The following GPM6A variants were observed in gnomAD, a reference collection of about 807,000 sequenced individuals.
The protein encoded by GPM6A is neuronal membrane glycoprotein M6-a.
A neutral mutation model predicts 32.1 loss-of-function variants in GPM6A; 7 were observed. The observed-to-expected ratio is 0.22, with a 90% CI of 0.12 to 0.41. The LOEUF is 0.41. GPM6A is among the 10% of genes least tolerant of loss of function. GPM6A has a pLI of 1.00. For missense variants in GPM6A, 235 were observed against 347.2 expected, an observed-to-expected ratio of 0.68 and a Z score of 2.57; for synonymous variants, 130 against 123.4, an observed-to-expected ratio of 1.05 and a Z score of -0.35.
At chr4:175,894,732 A>T (rs180990330) in intron 1 of GPM6A, among the ~76,000 whole-genome samples, 1 of 152,300 alleles carries the variant, frequency 6.6e-6, no homozygotes, top group African/African-American at 2.4e-5. Context: ...GGAGTGGCTA[A>T]ATCATTTTGG....
intron 1 of GPM6A, among the ~76,000 whole-genome samples, chr4:175,789,509 C>T (rs1473811007): frequency 6.6e-6 from 1 of 152,010 alleles, no homozygotes; most frequent in East Asian, 1.9e-4. Flanking sequence ...AAAAATAATA[C>T]TTCCTAGAAA....
chr4:175,768,586 T>A (rs772315690), intron 1 of GPM6A, among the ~76,000 whole-genome samples: 1 of 151,142 alleles, frequency 6.6e-6, no homozygotes, highest in Non-Finnish European at 1.5e-5. Context: ...ATAGTGAAGG[T>A]TAAGTTAAAA....
intron 1 of GPM6A, among the ~76,000 whole-genome samples, chr4:175,895,873 C>T (rs1408082952): frequency 1.3e-5 from 2 of 152,002 alleles, no homozygotes; most frequent in African/African-American, 4.8e-5. Context: ...ATAATCATAC[C>T]TTGGCATAAA....
At chr4:175,659,175 C>T (rs1339449076) in intron 3 of GPM6A, among the ~76,000 whole-genome samples, 3 of 151,148 alleles carry the variant, frequency 2.0e-5, no homozygotes, top group African/African-American at 4.9e-5. Context: ...CTCCTCCTCC[C>T]GGGTTCAAGC....
chr4:175,740,046 C>G (rs1442701469), intron 1 of GPM6A, among the ~76,000 whole-genome samples: 1 of 151,904 alleles, frequency 6.6e-6, no homozygotes, highest in Non-Finnish European at 1.5e-5. Flanking sequence ...AAAATATTGT[C>G]TCTAAGACTA....
chr4:175,871,055 G>A (rs2111438438), intron 1 of GPM6A, among the ~76,000 whole-genome samples: 1 of 151,728 alleles, frequency 6.6e-6, no homozygotes, highest in Middle Eastern at 3.4e-3. Context: ...CCTCCTGCTT[G>A]GTTTATTTGT....
intron 2 of GPM6A, among the ~76,000 whole-genome samples, chr4:175,699,293 T>C (rs1183223240): frequency 2.0e-5 from 3 of 152,192 alleles, no homozygotes; most frequent in Non-Finnish European, 2.9e-5. Flanking sequence ...ATATGACTTA[T>C]AATCTTTAAA....
intron 3 of GPM6A, among the ~76,000 whole-genome samples, chr4:175,652,477 G>A (rs1390465590): frequency 6.6e-6 from 1 of 151,900 alleles, no homozygotes; most frequent in Non-Finnish European, 1.5e-5. Context: ...AATCACATTA[G>A]TATATAATAT....
chr4:175,716,865 A>G (rs778738884), intron 1 of GPM6A, among the ~76,000 whole-genome samples: 2 of 152,222 alleles, frequency 1.3e-5, no homozygotes, highest in African/African-American at 2.4e-5. Context: ...TTTGAAAATA[A>G]TTTGTTAAGT....
intron 1 of GPM6A, among the ~76,000 whole-genome samples, chr4:175,783,779 A>C (rs2111258460): frequency 6.6e-6 from 1 of 152,096 alleles, no homozygotes; most frequent in East Asian, 1.9e-4. Context: ...AGAAAAATAA[A>C]TTTTGCAACA....
chr4:175,777,839 T>G (rs1325073772), intron 1 of GPM6A, among the ~76,000 whole-genome samples: 14 of 152,164 alleles, frequency 9.2e-5, no homozygotes, highest in Admixed American at 8.5e-4. Context: ...AAAAAATAAC[T>G]AATAAAAAAT....
intron 1 of GPM6A, among the ~76,000 whole-genome samples, chr4:175,859,133 G>A (rs1343928303): frequency 1.3e-5 from 2 of 152,148 alleles, no homozygotes; most frequent in Admixed American, 6.5e-5. Context: ...GAGGAAGGAT[G>A]TATACATGTT....
intron 1 of GPM6A, among the ~76,000 whole-genome samples, chr4:175,936,167 T>G (rs1430138101): frequency 1.3e-5 from 2 of 150,492 alleles, no homozygotes; most frequent in Non-Finnish European, 1.5e-5. Flanking sequence ...TTAGCTGGGC[T>G]TGGTGGCGGG....
At chr4:175,784,629 T>C (rs77570508) in intron 1 of GPM6A, among the ~76,000 whole-genome samples, 1,757 of 152,286 alleles carry the variant, frequency 0.012, 28 homozygotes, top group African/African-American at 0.04. Context: ...AAATAATGAA[T>C]GTGAATTATA....
intron 1 of GPM6A, among the ~76,000 whole-genome samples, chr4:175,737,887 G>GA (rs902368882): frequency 1.6e-4 from 25 of 151,780 alleles, no homozygotes; most frequent in African/African-American, 6.1e-4. Flanking sequence ...AGCCATTCAT[G>GA]GGGATGCACT....
chr4:175,778,690 C>CA (rs1046620018), intron 1 of GPM6A, among the ~76,000 whole-genome samples: 1 of 143,386 alleles, frequency 7.0e-6, no homozygotes, highest in Admixed American at 6.9e-5. Context: ...GAAGAAAACT[C>CA]AAACAACATA....
intron 3 of GPM6A, among the ~76,000 whole-genome samples, chr4:175,658,074 T>C (rs1025149940): frequency 6.6e-6 from 1 of 152,202 alleles, no homozygotes; most frequent in Admixed American, 6.6e-5. Flanking sequence ...AAACTACCTA[T>C]GCTCAAGTTG....
At chr4:175,869,995 C>A (rs2111436630) in intron 1 of GPM6A, among the ~76,000 whole-genome samples, 1 of 152,320 alleles carries the variant, frequency 6.6e-6, no homozygotes, top group South Asian at 2.1e-4. Context: ...TGAACCCAAG[C>A]TATCTGGTTC....
intron 1 of GPM6A, among the ~76,000 whole-genome samples, chr4:175,769,322 G>T (rs1260477571): frequency 1.3e-5 from 2 of 151,966 alleles, no homozygotes; most frequent in East Asian, 3.9e-4. Context: ...GAGAAAACAG[G>T]CCTAATTTAC....
Sources: allele counts gnomAD v4.1 joint callset (sites outside exome capture counted in the v4.1 genomes callset), GRCh38; gene constraint gnomAD v4.1.1; transcripts MANE v1.5; gene names NCBI Gene and HGNC (gene_info 2026-07-23, HGNC 2026-07-21).